Variants in RIMS2 observed in about 807,000 individuals in gnomAD.
RIMS2 encodes regulating synaptic membrane exocytosis 2, also known as regulating synaptic membrane exocytosis protein 2.
Under a neutral mutation model 174.4 loss-of-function variants are expected in RIMS2, and 59 were observed. The ratio of observed to expected loss-of-function variants is 0.34; its 90% CI spans 0.27 to 0.42. The LOEUF is 0.42. RIMS2 is among the 10% of genes least tolerant of loss of function. The probability of loss-of-function intolerance (pLI) is 1.00; values close to 1 mark genes in which losing one functional copy is unlikely to be tolerated. For synonymous variants in RIMS2, 606 were observed against 572.5 expected, an observed-to-expected ratio of 1.06 and a Z score of -0.84; for missense variants, 1,620 against 1,666.3, an observed-to-expected ratio of 0.97 and a Z score of 0.48.
chr8:103,587,126 G>C (rs2093966308), intron 1 of RIMS2, among the ~76,000 whole-genome samples: 1 of 151,864 alleles, frequency 6.6e-6, no homozygotes, highest in Admixed American at 6.6e-5. Context: ...CAAATTTCTA[G>C]ACATATACAA....
chr8:104,076,870 G>A (rs2097303319), intron 19 of RIMS2, among the ~76,000 whole-genome samples: 1 of 150,898 alleles, frequency 6.6e-6, no homozygotes, highest in Non-Finnish European at 1.5e-5. Context: ...AGGCTGGAGA[G>A]CAGTGGCGTG....
chr8:103,783,405 T>A (rs2098410868), intron 3 of RIMS2, among the ~76,000 whole-genome samples: 2 of 151,174 alleles, frequency 1.3e-5, no homozygotes, highest in South Asian at 4.2e-4. Flanking sequence ...TATCTCCCAA[T>A]GCTATCCCTC....
At chr8:104,062,832 T>G (rs2097027687) in intron 19 of RIMS2, among the ~76,000 whole-genome samples, 1 of 152,132 alleles carries the variant, frequency 6.6e-6, no homozygotes, top group Admixed American at 6.5e-5. Context: ...TCCACATTGT[T>G]TGTATTTTCT....
chr8:103,969,566 C>A (rs1216779512), intron 15 of RIMS2, among the ~76,000 whole-genome samples: 1 of 152,138 alleles, frequency 6.6e-6, no homozygotes, highest in Non-Finnish European at 1.5e-5. Context: ...CTTAGAATTT[C>A]TTTCTGCTTA....
chr8:103,592,823 A>G (rs192448539), intron 1 of RIMS2, among the ~76,000 whole-genome samples: 12 of 151,570 alleles, frequency 7.9e-5, no homozygotes, highest in African/African-American at 2.9e-4. Context: ...TTAATGAAGC[A>G]GTAAAAATTA....
At chr8:104,243,381 T>C (rs1365629918) in intron 19 of RIMS2, among the ~76,000 whole-genome samples, 2 of 152,154 alleles carry the variant, frequency 1.3e-5, no homozygotes, top group Non-Finnish European at 2.9e-5. Flanking sequence ...TCAGCAAATA[T>C]TTATAGACCT....
intron 3 of RIMS2, among the ~76,000 whole-genome samples, chr8:103,798,915 C>A (rs953379239): frequency 1.5e-5 from 2 of 134,790 alleles, no homozygotes; most frequent in African/African-American, 5.5e-5. Context: ...AGGTAGAAAA[C>A]TTTTTTTTTT....
Position 103,587,966 on chromosome 8 carries a change from A to G in RIMS2, c.176+86904A>G, listed in dbSNP as rs369038393. On this transcript the variant is annotated intron_variant, in intron 1 of 23. Coordinates refer to ENST00000504942, the Ensembl canonical transcript of RIMS2. ...TAAATTGGAAAGCAGATGTCAAATT[A>G]TCCTTGTTTACAGATGACATAACCT... Among the ~76,000 whole-genome samples, 34 of 152,094 alleles carry G rather than the reference A, an allele frequency of 2.2e-4. No homozygotes were observed. The South Asian group carries it at 5.8e-3, about 26-fold the overall frequency.
rs115698576 is a variant in RIMS2 at position 104,226,076 on chromosome 8, G to A, written c.3335-18840G>A. On this transcript the variant is annotated intron_variant, in intron 19 of 23. Coordinates refer to ENST00000504942, the Ensembl canonical transcript of RIMS2. ...CCCACACAGGATACATGAAGGTCAT[G>A]TGGTTAACATATTCAGGATTATGTT... 9.9e-3 allele frequency among the ~76,000 whole-genome samples: 1,507 copies of A among 152,224 alleles called. 21 individuals are homozygous for A. The highest frequency in any genetic ancestry group is 0.033 in the African/African-American group (1,358 of 41,532).
At chr8:103,707,948 T>A (rs1299019220) in intron 2 of RIMS2, among the ~76,000 whole-genome samples, 2 of 152,178 alleles carry the variant, frequency 1.3e-5, no homozygotes, top group African/African-American at 4.8e-5. Context: ...CCTGGTGGTT[T>A]ATTTTAATGT....
chr8:103,642,203 T>G (rs1384706406), intron 1 of RIMS2, among the ~76,000 whole-genome samples: 1 of 152,168 alleles, frequency 6.6e-6, no homozygotes, highest in Non-Finnish European at 1.5e-5. Flanking sequence ...TCTTAGCATA[T>G]CAATTGTACT....
chr8:103,922,296 A>T (rs1327271437), intron 10 of RIMS2, among the ~76,000 whole-genome samples: 1 of 151,954 alleles, frequency 6.6e-6, no homozygotes, highest in East Asian at 1.9e-4. Context: ...AAATAGAGAA[A>T]TATATAATGG....
At chr8:104,159,091 T>A (rs557609478) in intron 19 of RIMS2, among the ~76,000 whole-genome samples, 11 of 152,148 alleles carry the variant, frequency 7.2e-5, no homozygotes, top group African/African-American at 1.2e-4. Flanking sequence ...AAGGGAGGGA[T>A]CCAGTTTCAG....
At chr8:104,155,354 C>CCTCGG (rs1232998138) in intron 19 of RIMS2, among the ~76,000 whole-genome samples, 1 of 151,394 alleles carries the variant, frequency 6.6e-6, no homozygotes, top group African/African-American at 2.4e-5. Context: ...GATCTGCCCG[C>CCTCGG]CTCGGCCTCC....
rs541220511 is a variant in RIMS2, at chr8:104,146,816, C to T, written c.3335-98100C>T. 2.0e-5 allele frequency among the ~76,000 whole-genome samples: 3 copies of T among 152,244 alleles called. No individual in the cohort carries two copies. In the South Asian group the frequency reaches 6.2e-4, roughly 32 times the overall value. ...CTCGGGCTCAGGTGATCCTCCTGTG[C>T]CTCCGAAGTAGCTGGGACTACAGGC... On this transcript the variant is annotated intron_variant, in intron 19 of 23. Transcript: ENST00000504942.
chr8:104,254,475 C>T (rs184194226), downstream of RIMS2: 21 of 152,270 alleles, frequency 1.4e-4, no homozygotes, highest in East Asian at 2.5e-3. Flanking sequence ...CAGCCCTGAG[C>T]CTGCTGCAGC....
intron 19 of RIMS2, among the ~76,000 whole-genome samples, chr8:104,233,822 G>A (rs544193277): frequency 5.3e-4 from 81 of 152,316 alleles, no homozygotes; most frequent in African/African-American, 1.9e-3. Context: ...CGCCTCATTA[G>A]ACACAGGCTT....
At chr8:103,879,002 C>T (rs1022203112) in intron 3 of RIMS2, among the ~76,000 whole-genome samples, 5 of 151,186 alleles carry the variant, frequency 3.3e-5, no homozygotes, top group African/African-American at 7.3e-5. Context: ...CTCAAAAATT[C>T]GAATGCATGG....
intron 19 of RIMS2, among the ~76,000 whole-genome samples, chr8:104,197,469 G>A (rs1408655805): frequency 6.6e-6 from 1 of 152,170 alleles, no homozygotes; most frequent in Admixed American, 6.5e-5. Flanking sequence ...GAGCCACTGT[G>A]CCTGGCCAAC....
Sources: gnomAD v4.1 joint callset for allele counts (sites outside exome capture counted in the v4.1 genomes callset) on GRCh38, gnomAD v4.1.1 for gene constraint, MANE v1.5 for transcripts, NCBI Gene and HGNC (gene_info 2026-07-23, HGNC 2026-07-21) for gene names.